The following NXPE4 variants were observed in gnomAD, a reference collection of about 807,000 sequenced individuals.
NXPE4 encodes the protein neurexophilin and PC-esterase domain family member 4.
A neutral mutation model predicts 33.3 loss-of-function variants in NXPE4; 42 were observed. The observed-to-expected ratio is 1.26, with a 90% CI of 0.98 to 1.63. NXPE4 has a LOEUF of 1.63. Among genes scored for constraint, NXPE4 ranks in the 40% most tolerant of loss-of-function variants. The probability of loss-of-function intolerance (pLI) is 0.00; values close to 1 mark genes in which losing one functional copy is unlikely to be tolerated. For synonymous variants in NXPE4, 253 were observed against 234.9 expected, an observed-to-expected ratio of 1.08 and a Z score of -0.71; for missense variants, 709 against 647.6, an observed-to-expected ratio of 1.09 and a Z score of -1.03.
chr11:114,647,728 A>C, the NXPE4 span, among the ~76,000 whole-genome samples: 1 of 151,062 alleles, frequency 6.6e-6, no homozygotes, highest in East Asian at 1.9e-4. Flanking sequence ...TTGAGACAGA[A>C]TCTCACTCTG....
chr11:114,656,610 A>T, the NXPE4 span, among the ~76,000 whole-genome samples: 2 of 152,038 alleles, frequency 1.3e-5, no homozygotes, highest in East Asian at 3.9e-4. Context: ...TACTTAATAC[A>T]GTACTGATAA....
chr11:114,601,378 T>A, the NXPE4 span, among the ~76,000 whole-genome samples: 2 of 145,020 alleles, frequency 1.4e-5, no homozygotes, highest in African/African-American at 5.1e-5. Flanking sequence ...TCACTTAGGA[T>A]AATACCCTCC....
the NXPE4 span, among the ~76,000 whole-genome samples, chr11:114,614,262 T>C: frequency 5.3e-5 from 8 of 151,828 alleles, no homozygotes; most frequent in African/African-American, 9.7e-5. Flanking sequence ...GGATAGTAAG[T>C]ATTGCTTCAT....
the NXPE4 span, among the ~76,000 whole-genome samples, chr11:114,614,297 T>C: frequency 6.6e-6 from 1 of 151,456 alleles, no homozygotes; most frequent in South Asian, 2.1e-4. Flanking sequence ...ACCCGGTGGA[T>C]AGTAAGTATT....
chr11:114,615,332 G>A, the NXPE4 span, among the ~76,000 whole-genome samples: 2 of 151,752 alleles, frequency 1.3e-5, no homozygotes, highest in Admixed American at 6.6e-5. Flanking sequence ...ACCATTACCC[G>A]CCGGATACTA....
the NXPE4 span, among the ~76,000 whole-genome samples, chr11:114,628,794 AAG>A: frequency 1.3e-5 from 2 of 152,012 alleles, no homozygotes; most frequent in Admixed American, 6.6e-5. Context: ...TAATGAAAAA[AAG>A]AGAGAAGAAT....
At chr11:114,649,899 G>T in the NXPE4 span, among the ~76,000 whole-genome samples, 1 of 152,156 alleles carries the variant, frequency 6.6e-6, no homozygotes, top group African/African-American at 2.4e-5. Context: ...TCTAGGGCTG[G>T]TTGGTAAATG....
At chr11:114,612,261 C>A in the NXPE4 span, among the ~76,000 whole-genome samples, 2 of 151,878 alleles carry the variant, frequency 1.3e-5, no homozygotes, top group Non-Finnish European at 2.9e-5. Flanking sequence ...ATAAGTGTTG[C>A]CTCTTCAGTA....
At chr11:114,625,098 A>T in the NXPE4 span, among the ~76,000 whole-genome samples, 1 of 152,150 alleles carries the variant, frequency 6.6e-6, no homozygotes, top group East Asian at 1.9e-4. Context: ...TACCTGGTGG[A>T]TAATAAGTAT....
At chr11:114,607,223 G>A in the NXPE4 span, among the ~76,000 whole-genome samples, 6 of 151,546 alleles carry the variant, frequency 4.0e-5, no homozygotes, top group East Asian at 5.9e-4. Flanking sequence ...ATGTTACCTC[G>A]TGTGTAACCA....
At chr11:114,648,619 G>A in the NXPE4 span, among the ~76,000 whole-genome samples, 6 of 152,068 alleles carry the variant, frequency 3.9e-5, no homozygotes, top group Non-Finnish European at 4.4e-5. Flanking sequence ...ATTAATCATC[G>A]TGTCTACACT....
chr11:114,631,839 C>T, the NXPE4 span, among the ~76,000 whole-genome samples: 31 of 150,242 alleles, frequency 2.1e-4, no homozygotes, highest in Non-Finnish European at 2.2e-4. Flanking sequence ...CGATGTTACC[C>T]GGTGGATAAT....
chr11:114,611,995 G>A, the NXPE4 span, among the ~76,000 whole-genome samples: 2 of 151,912 alleles, frequency 1.3e-5, no homozygotes, highest in Admixed American at 6.6e-5. Context: ...TTACCCAGTG[G>A]ATAATAAGTC....
rs1346795054 is a variant in NXPE4, at chr11:114,571,330, A to G, written c.1243T>C (p.Tyr415His). ...SMTYSVKEME[Y>H]LTRAIDRTGG... Reference sequence around the variant, plus strand: ...GTTCTGTCAATGGCCCGGGTGAGGTACTCCATCTCTTTGACTGAATAGGTC... The same window carrying G: ...GTTCTGTCAATGGCCCGGGTGAGGTGCTCCATCTCTTTGACTGAATAGGTC... The change falls in exon 6 of 6, where the codon TAC becomes CAC. Residue 415 changes from tyrosine to histidine, a missense_variant. By Grantham distance (83) the Tyr-to-His change is moderately conservative. Coordinates refer to ENST00000375478, the MANE Select transcript of NXPE4 (RefSeq NM_001077639.2). The G allele has an allele frequency of 6.2e-7, 1 of 1,613,974 alleles. No homozygotes were observed. Among genetic ancestry groups the G allele is most frequent in the South Asian group, 1.1e-5 (1 of 91,080 alleles).
At chr11:114,572,510 A>G (rs999520448) in intron 5 of NXPE4, among the ~76,000 whole-genome samples, 3 of 152,216 alleles carry the variant, frequency 2.0e-5, no homozygotes, top group Non-Finnish European at 4.4e-5. Flanking sequence ...AATAGATAGT[A>G]TAAATAAAAA....
the NXPE4 span, among the ~76,000 whole-genome samples, chr11:114,609,324 G>A: frequency 9.1e-5 from 13 of 143,096 alleles, no homozygotes; most frequent in South Asian, 2.5e-3. Flanking sequence ...GGGTAACCAC[G>A]GTTACCCTGT....
At chr11:114,616,405 AC>A in the NXPE4 span, among the ~76,000 whole-genome samples, 2 of 151,438 alleles carry the variant, frequency 1.3e-5, no homozygotes, top group African/African-American at 4.9e-5. Context: ...CTCGTGGGTA[AC>A]CGGTGTTACC....
At chr11:114,616,051 A>G in the NXPE4 span, among the ~76,000 whole-genome samples, 3 of 151,760 alleles carry the variant, frequency 2.0e-5, no homozygotes, top group Non-Finnish European at 4.4e-5. Context: ...CCGGTGGATA[A>G]TAAGTATTGC....
rs770704974 is a variant in NXPE4, at chr11:114,571,508, G to A, written c.1100-35C>T. 7 of 1,533,706 alleles carry A rather than the reference G, an allele frequency of 4.6e-6. No homozygotes were observed. In the South Asian group the frequency reaches 6.3e-5, roughly 14 times the overall value. ...AATAGGCAATCCCAAAATAAAAGGA[G>A]GATATAGTTACCAAGATTGAGTAGA... On this transcript the variant is annotated intron_variant, in intron 5 of 5. Transcript: ENST00000375478.
Sources: allele counts gnomAD v4.1 joint callset (sites outside exome capture counted in the v4.1 genomes callset), GRCh38; gene constraint gnomAD v4.1.1; transcripts MANE v1.5; gene names NCBI Gene and HGNC (gene_info 2026-07-23, HGNC 2026-07-21).